The following TIAM1 variants were observed in gnomAD, a reference collection of about 807,000 sequenced individuals.
TIAM1 encodes the protein rho guanine nucleotide exchange factor TIAM1.
A neutral mutation model predicts 163.5 loss-of-function variants in TIAM1; 65 were observed. The ratio of observed to expected loss-of-function variants is 0.40; its 90% CI spans 0.33 to 0.49. TIAM1 has a LOEUF of 0.49. Among genes scored for constraint, TIAM1 ranks in the 20% least tolerant of loss-of-function variants. TIAM1 has a pLI of 0.77. For synonymous variants in TIAM1, 833 were observed against 810.1 expected, an observed-to-expected ratio of 1.03 and a Z score of -0.48; for missense variants, 1,789 against 2,044.7, an observed-to-expected ratio of 0.87 and a Z score of 2.41.
At chr21:31,388,259 A>ACACACACACACACACACACACACAC (rs1555964695) in intron 2 of TIAM1, among the ~76,000 whole-genome samples, 11 of 98,174 alleles carry the variant, frequency 1.1e-4, no homozygotes, top group East Asian at 9.3e-4. Flanking sequence ...ACACACACAC[A>ACACACACACACACACACACACACAC]ACCTCTTACG....
intron 2 of TIAM1, among the ~76,000 whole-genome samples, chr21:31,369,028 G>A (rs921561299): frequency 1.1e-4 from 16 of 148,128 alleles, no homozygotes; most frequent in Middle Eastern, 3.5e-3. Flanking sequence ...TCACGAGGTC[G>A]GGAGATAGAG....
chr21:31,536,810 T>A (rs1328572235), intron 1 of TIAM1, among the ~76,000 whole-genome samples: 1 of 151,996 alleles, frequency 6.6e-6, no homozygotes, highest in East Asian at 1.9e-4. Context: ...ACAGCTGACC[T>A]CCCATGGAAG....
intron 5 of TIAM1, among the ~76,000 whole-genome samples, chr21:31,248,322 A>G (rs938484067): frequency 2.0e-5 from 3 of 152,222 alleles, no homozygotes; most frequent in African/African-American, 4.8e-5. Context: ...AACTGTTTGT[A>G]TAATTTTTCA....
chr21:31,521,024 G>A (rs886351730), intron 1 of TIAM1, among the ~76,000 whole-genome samples: 1 of 152,244 alleles, frequency 6.6e-6, no homozygotes, highest in Non-Finnish European at 1.5e-5. Flanking sequence ...CCACAGAGCA[G>A]GTGCTTAATA....
chr21:31,461,345 C>T (rs547050408), intron 2 of TIAM1, among the ~76,000 whole-genome samples: 4 of 152,030 alleles, frequency 2.6e-5, no homozygotes, highest in African/African-American at 9.6e-5. Flanking sequence ...ATTAGCTGGG[C>T]GTGATGTGCA....
intron 2 of TIAM1, among the ~76,000 whole-genome samples, chr21:31,435,645 G>A (rs932573853): frequency 6.6e-6 from 1 of 152,124 alleles, no homozygotes; most frequent in Non-Finnish European, 1.5e-5. Context: ...CCCCACTTTG[G>A]TTCATAAACT....
chr21:31,210,938 A>C (rs2086857416), intron 10 of TIAM1, among the ~76,000 whole-genome samples: 1 of 147,574 alleles, frequency 6.8e-6, no homozygotes, highest in African/African-American at 2.7e-5. Flanking sequence ...GCAATGGTGA[A>C]GCCCCAATCA....
chr21:31,196,950 A>G (rs1211645179), intron 12 of TIAM1, among the ~76,000 whole-genome samples: 1 of 152,214 alleles, frequency 6.6e-6, no homozygotes, highest in Non-Finnish European at 1.5e-5. Context: ...AGCAACATGG[A>G]TGCAGCTGGA....
intron 20 of TIAM1, among the ~76,000 whole-genome samples, chr21:31,143,031 C>T (rs555603293): frequency 1.3e-5 from 2 of 152,250 alleles, no homozygotes; most frequent in South Asian, 4.1e-4. Context: ...TAACAGTGGA[C>T]ACACGCTGCC....
chr21:31,500,323 C>T (rs2046809751), intron 1 of TIAM1, among the ~76,000 whole-genome samples: 1 of 152,130 alleles, frequency 6.6e-6, no homozygotes, highest in South Asian at 2.1e-4. Context: ...ACTCCTGAAA[C>T]TCAGTTTTCT....
chr21:31,549,646 T>A (rs2062174137), intron 1 of TIAM1, among the ~76,000 whole-genome samples: 1 of 152,106 alleles, frequency 6.6e-6, no homozygotes, highest in Admixed American at 6.6e-5. Context: ...ATGGCTATAA[T>A]CAAAAAGACA....
chr21:31,369,998 A>AG (rs1297542416), intron 2 of TIAM1, among the ~76,000 whole-genome samples: 2 of 152,278 alleles, frequency 1.3e-5, no homozygotes, highest in Middle Eastern at 3.4e-3. Flanking sequence ...GTCCTTATAA[A>AG]GGGGGCCTAA....
intron 15 of TIAM1, among the ~76,000 whole-genome samples, chr21:31,169,472 G>T (rs920499191): frequency 3.3e-5 from 5 of 152,128 alleles, no homozygotes; most frequent in African/African-American, 1.2e-4. Flanking sequence ...CGAAGACACT[G>T]ACTTACTAGA....
At chr21:31,443,457 T>C (rs987935685) in intron 2 of TIAM1, among the ~76,000 whole-genome samples, 1 of 152,230 alleles carries the variant, frequency 6.6e-6, no homozygotes, top group African/African-American at 2.4e-5. Flanking sequence ...TTTTAATGGT[T>C]TTTTAAACGT....
intron 2 of TIAM1, among the ~76,000 whole-genome samples, chr21:31,349,770 G>C (rs2076204827): frequency 6.6e-6 from 1 of 152,194 alleles, no homozygotes; most frequent in African/African-American, 2.4e-5. Flanking sequence ...GATACAAAAT[G>C]AGAAGAGCCG....
chr21:31,195,225 G>GT lies in TIAM1; in HGVS notation c.2573dup (p.Tyr858Ter). ...IEKSDTAADT[Y>*]GFSLSSVEED... ...ACAAACAAAGAAAAATAAACTTACC[G>GT]TAAGTATCAGCAGCTGTATCTGACT... The change falls in exon 13 of 28, where the codon TAC becomes TAAC. Residue 858 changes from tyrosine to a stop codon, truncating the protein, a stop_gained and frameshift_variant and splice_region_variant. Coordinates refer to ENST00000541036, the MANE Select transcript of TIAM1 (RefSeq NM_001353694.2). LOFTEE classifies it high-confidence loss of function. 1 of 1,607,616 alleles carries GT rather than the reference G, an allele frequency of 6.2e-7. No individual in the cohort carries two copies.
At chr21:31,464,686 T>C (rs150796447) in intron 1 of TIAM1, among the ~76,000 whole-genome samples, 2,639 of 151,520 alleles carry the variant, frequency 0.017, 68 homozygotes, top group African/African-American at 0.059. Context: ...CTACTAAAGA[T>C]ACAAAAATTA....
At chr21:31,158,379 T>C (rs1464203073) in intron 16 of TIAM1, among the ~76,000 whole-genome samples, 1 of 152,072 alleles carries the variant, frequency 6.6e-6, no homozygotes, top group African/African-American at 2.4e-5. Flanking sequence ...CTTAGCTGAG[T>C]GGTCTCTCAA....
chr21:31,410,552 C>G (rs757664007), intron 2 of TIAM1, among the ~76,000 whole-genome samples: 1 of 151,516 alleles, frequency 6.6e-6, no homozygotes, highest in African/African-American at 2.4e-5. Context: ...TAAGTGTGAG[C>G]ATGTGTGAGC....
Sources: gnomAD v4.1 joint callset for allele counts (sites outside exome capture counted in the v4.1 genomes callset) on GRCh38, gnomAD v4.1.1 for gene constraint, MANE v1.5 for transcripts, NCBI Gene and HGNC (gene_info 2026-07-23, HGNC 2026-07-21) for gene names.